LARS2: variants seen among roughly 807,000 people sequenced by gnomAD.
LARS2 encodes leucine--tRNA ligase, mitochondrial.
A neutral mutation model predicts 116.6 loss-of-function variants in LARS2; 81 were observed. That is an observed-to-expected ratio of 0.69 (90% CI 0.58 to 0.84). The LOEUF (loss-of-function observed/expected upper bound fraction) is 0.84. Ranked by LOEUF, LARS2 falls within the 40% of genes least tolerant of loss-of-function variation. LARS2 has a pLI of 0.00. For missense variants in LARS2, 968 were observed against 1,114.5 expected, an observed-to-expected ratio of 0.87 and a Z score of 1.87; for synonymous variants, 396 against 407.2, an observed-to-expected ratio of 0.97 and a Z score of 0.33.
At chr3:45,540,770 A>G (rs565912327) in intron 20 of LARS2, among the ~76,000 whole-genome samples, 178 of 151,714 alleles carry the variant, frequency 1.2e-3, no homozygotes, top group Non-Finnish European at 2.0e-3. Context: ...CTATCTATCT[A>G]TCTATCTATC....
At position 45,446,968 on chromosome 3, in the gene LARS2, C is replaced by G. The variant is rs763255802; in HGVS notation, c.594C>G (p.Ala198=). The G allele has an allele frequency of 6.3e-7, 1 of 1,595,186 alleles. No individual in the cohort carries two copies. The highest frequency in any genetic ancestry group is 8.6e-7 in the Non-Finnish European group (1 of 1,165,094). ...TTAAACTGTATGAGGCTGGGCTGGC[C>G]TATCAAAAGGAGGTAAGTTAAAATT... ...LFIKLYEAGL[A]YQKEALVNWD... Residue 198 remains alanine (A), a synonymous_variant, in exon 7 of 22, where the codon GCC becomes GCG. Transcript: ENST00000645846.
At chr3:45,448,816 C>T (rs984990354) in intron 7 of LARS2, among the ~76,000 whole-genome samples, 1 of 152,216 alleles carries the variant, frequency 6.6e-6, no homozygotes, top group Non-Finnish European at 1.5e-5. Flanking sequence ...GTGTTCCTTG[C>T]CCTCATTCTG....
chr3:45,535,451 C>T (rs1028169546), intron 20 of LARS2, among the ~76,000 whole-genome samples: 1 of 152,010 alleles, frequency 6.6e-6, no homozygotes, highest in Non-Finnish European at 1.5e-5. Context: ...CGTAATTTCA[C>T]CATCCTGAAA....
intron 10 of LARS2, among the ~76,000 whole-genome samples, chr3:45,484,711 A>G (rs1354128754): frequency 6.9e-6 from 1 of 144,308 alleles, no homozygotes; most frequent in African/African-American, 2.5e-5. Flanking sequence ...TTGTAACATA[A>G]TACAATAATA....
chr3:45,502,790 T>A (rs1373458716), intron 15 of LARS2, among the ~76,000 whole-genome samples: 3 of 152,134 alleles, frequency 2.0e-5, no homozygotes, highest in Non-Finnish European at 2.9e-5. Context: ...TGAGTTTTTT[T>A]ATTTTAATTA....
intron 3 of LARS2, among the ~76,000 whole-genome samples, chr3:45,396,661 A>G (rs1243055659): frequency 6.6e-6 from 1 of 152,236 alleles, no homozygotes; most frequent in East Asian, 1.9e-4. Context: ...TTTAATGAGC[A>G]TTTAACCATG....
intron 20 of LARS2, among the ~76,000 whole-genome samples, chr3:45,536,638 T>G (rs1700709594): frequency 6.6e-6 from 1 of 152,228 alleles, no homozygotes; most frequent in Non-Finnish European, 1.5e-5. Flanking sequence ...TACAACCATC[T>G]GCAGAAAATC....
chr3:45,421,782 A>G (rs1698516906), intron 6 of LARS2: 1 of 152,322 alleles, frequency 6.6e-6, no homozygotes, highest in Non-Finnish European at 1.5e-5. Flanking sequence ...ACATCTAACC[A>G]TCATAGCTTC....
intron 20 of LARS2, among the ~76,000 whole-genome samples, chr3:45,540,408 T>C (rs1331774228): frequency 1.3e-5 from 2 of 152,220 alleles, no homozygotes; most frequent in East Asian, 3.8e-4. Flanking sequence ...CCAGTGTTAT[T>C]GGGGCTGGTT....
At chr3:45,487,959 C>A (rs1699844441) in intron 11 of LARS2, among the ~76,000 whole-genome samples, 2 of 152,044 alleles carry the variant, frequency 1.3e-5, no homozygotes, top group African/African-American at 4.8e-5. Flanking sequence ...TTTTGACTTC[C>A]TGACTGAGTG....
At position 45,548,353 on chromosome 3, in the gene LARS2, T is replaced by C. The variant is rs1338887000; in HGVS notation, c.*823T>C. On this transcript the variant is annotated 3_prime_UTR_variant, in exon 22 of 22. Coordinates refer to ENST00000645846, the MANE Select transcript of LARS2 (RefSeq NM_015340.4). ...TAGTGAAGTGGAACCAGGCTCAGGCTGCTGGTCCCAACCTCAGAGCCCCAC... is the reference window on the plus strand; with the variant it reads ...TAGTGAAGTGGAACCAGGCTCAGGCCGCTGGTCCCAACCTCAGAGCCCCAC... The C allele has an allele frequency of 6.6e-6, 1 of 152,324 alleles. No homozygotes were observed. The highest frequency in any genetic ancestry group is 6.5e-5 in the Admixed American group (1 of 15,292). The allele number at this position is 152,324 out of a possible 1,614,324, so 9.4% of individuals were successfully genotyped here.
chr3:45,419,800 C>T, intron 6 of LARS2, 71 bp downstream of exon 6: 2 of 1,270,696 alleles, frequency 1.6e-6, no homozygotes, highest in South Asian at 2.4e-5. Context: ...CACTCTTCTT[C>T]CTCTTTGAGT....
At chr3:45,416,658 A>G (rs1469901664) in intron 4 of LARS2, among the ~76,000 whole-genome samples, 1 of 152,210 alleles carries the variant, frequency 6.6e-6, no homozygotes, top group Non-Finnish European at 1.5e-5. Context: ...TCTGCTGCAC[A>G]CTTGAAGGGT....
At chr3:45,535,768 C>A (rs2578668) in intron 20 of LARS2, among the ~76,000 whole-genome samples, 9,528 of 33,744 alleles carry the variant, frequency 0.28, 341 homozygotes, top group Middle Eastern at 0.45. Flanking sequence ...ACACACACAC[C>A]CCCACACCCA....
intron 10 of LARS2, among the ~76,000 whole-genome samples, chr3:45,478,229 GT>G (rs1421478791): frequency 6.6e-6 from 1 of 152,152 alleles, no homozygotes. Context: ...TGTTTCAACT[GT>G]TTAGTTTAAA....
chr3:45,411,784 G>T (rs780817650), intron 4 of LARS2, among the ~76,000 whole-genome samples: 1 of 152,012 alleles, frequency 6.6e-6, no homozygotes, highest in Non-Finnish European at 1.5e-5. Flanking sequence ...AGATTATTTT[G>T]TGACCCAGAT....
intron 19 of LARS2, 60 bp downstream of exon 19, chr3:45,520,356 G>A: frequency 6.2e-6 from 8 of 1,300,598 alleles, no homozygotes; most frequent in South Asian, 1.2e-5. Context: ...GTGGCAAGGG[G>A]CCCCACAGGG....
chr3:45,503,566 C>T (rs1467559408), intron 15 of LARS2, among the ~76,000 whole-genome samples: 2 of 152,024 alleles, frequency 1.3e-5, no homozygotes, highest in African/African-American at 4.8e-5. Context: ...TTTGCCAGCT[C>T]AAATGTATTT....
rs373174007 is a variant in LARS2, at chr3:45,491,569, G to C, written c.1292G>C (p.Arg431Pro). 3 of 1,614,062 alleles carry C rather than the reference G, an allele frequency of 1.9e-6. No homozygotes were observed. The highest frequency in any genetic ancestry group is 1.3e-5 in the African/African-American group (1 of 74,924). ...DAFLALTQKA[R>P]GKRVGGDVTS... ...TTTCTAGCCCTGACTCAGAAAGCCC[G>C]GGGGAAGAGAGTGGGTGGAGACGTG... is the stretch of plus-strand genomic sequence containing the variant. Residue 431 changes from arginine to proline, a missense_variant, in exon 13 of 22, where the codon CGG (arginine) becomes CCG (proline). Coordinates refer to ENST00000645846, the MANE Select transcript of LARS2 (RefSeq NM_015340.4).
Sources: allele counts gnomAD v4.1 joint callset (sites outside exome capture counted in the v4.1 genomes callset), GRCh38; gene constraint gnomAD v4.1.1; transcripts MANE v1.5; gene names NCBI Gene and HGNC (gene_info 2026-07-23, HGNC 2026-07-21).